SEC22C: variants seen among roughly 807,000 people sequenced by gnomAD.
SEC22C encodes SEC22 homolog C, vesicle trafficking protein, also known as vesicle-trafficking protein SEC22c.
SEC22C carries 29 observed loss-of-function variants against 34.7 expected under a neutral mutation model. That is an observed-to-expected ratio of 0.84 (90% confidence interval 0.62 to 1.14). The LOEUF (loss-of-function observed/expected upper bound fraction) is 1.14, where lower values mean the gene tolerates loss of function less well. SEC22C is among the 50% of genes most tolerant of loss of function. SEC22C has a pLI of 0.00. For missense variants in SEC22C, 337 were observed against 369.0 expected (o/e 0.91, Z 0.71); for synonymous variants, 117 against 132.8 (o/e 0.88, Z 0.82).
At chr3:42,588,214 CA>C in intron 1 of SEC22C, among the ~76,000 whole-genome samples, 1 of 151,906 alleles carries the variant, frequency 6.6e-6, no homozygotes, top group East Asian at 1.9e-4. Flanking sequence ...CCAGCCTGGC[CA>C]ACATAGAGAA....
intron 1 of SEC22C, among the ~76,000 whole-genome samples, chr3:42,588,284 G>C (rs1408666116): frequency 6.7e-6 from 1 of 148,820 alleles, no homozygotes; most frequent in Admixed American, 6.7e-5. Context: ...TATGCCTGTA[G>C]TCCCAGACTA....
chr3:42,556,872 C>T (rs1469650621), intron 5 of SEC22C, among the ~76,000 whole-genome samples: 2 of 151,994 alleles, frequency 1.3e-5, no homozygotes, highest in Non-Finnish European at 2.9e-5. Flanking sequence ...TACAGGCATG[C>T]GCCACCACGC....
At chr3:42,591,687 G>A in intron 1 of SEC22C, 1 of 967,998 alleles carries the variant, frequency 1.0e-6, no homozygotes, top group Non-Finnish European at 1.7e-6. Context: ...AAGAGTCTTG[G>A]GTGATTGATC....
intron 1 of SEC22C, among the ~76,000 whole-genome samples, chr3:42,577,864 G>A (rs551232249): frequency 2.0e-4 from 30 of 152,138 alleles, no homozygotes; most frequent in African/African-American, 7.0e-4. Flanking sequence ...CAGCTACTTG[G>A]GAGGCTGAGG....
At chr3:42,561,536 T>C (rs1037805385) in intron 3 of SEC22C, among the ~76,000 whole-genome samples, 3 of 152,092 alleles carry the variant, frequency 2.0e-5, no homozygotes, top group African/African-American at 7.2e-5. Context: ...CCACCACACC[T>C]GGCTAATTTT....
chr3:42,586,911 C>G (rs1037926598), upstream of SEC22C, among the ~76,000 whole-genome samples: 5 of 152,198 alleles, frequency 3.3e-5, no homozygotes, highest in Non-Finnish European at 5.9e-5. Context: ...AGCATCTCCC[C>G]CACTGTTCCC....
rs568973006 is a variant in SEC22C, at chr3:42,557,510, A to G, written c.645+68T>C. On this transcript the variant is annotated intron_variant, in intron 5 of 6. Transcript: ENST00000264454. ...AACCTCAGTTTTATAGATAAAATGT[A>G]TCCCTATCACTTTCTTCTATCATAT... The G allele has an allele frequency of 2.0e-5, 13 of 661,570 alleles. No individual in the cohort carries two copies. In the South Asian group the frequency reaches 3.1e-4, roughly 16 times the overall value. 41.0% of individuals were successfully genotyped at this position (661,570 alleles called of 1,614,324 possible).
intron 1 of SEC22C, among the ~76,000 whole-genome samples, chr3:42,576,638 A>G (rs1296512325): frequency 1.3e-5 from 2 of 152,154 alleles, no homozygotes; most frequent in East Asian, 3.8e-4. Flanking sequence ...TGCTAAATAA[A>G]TGGGGAGATA....
rs115661443 is a variant in SEC22C at position 42,572,451 on chromosome 3, G to A, written c.-27-3378C>T. On this transcript the variant is annotated intron_variant, in intron 1 of 6. Coordinates refer to ENST00000264454, the MANE Select transcript of SEC22C (RefSeq NM_032970.4). Reference sequence around the variant, plus strand: ...CCCATTCTCCACCTCCCATCCTGCCGGGGTAGCATCAGAGAAGGCCAAGTA... The same window carrying A: ...CCCATTCTCCACCTCCCATCCTGCCAGGGTAGCATCAGAGAAGGCCAAGTA... Among the ~76,000 whole-genome samples, 459 of 152,204 alleles carry A rather than the reference G, an allele frequency of 3.0e-3. 3 individuals carry two copies. The highest frequency in any genetic ancestry group is 0.011 in the African/African-American group (440 of 41,518).
In SEC22C at chr3:42,548,918, C is replaced by A; in HGVS notation, c.*4330G>T. On this transcript the variant is annotated 3_prime_UTR_variant, in exon 7 of 7. Transcript: ENST00000264454. ...CAATGGACTCACCCAGTATTACCCT[C>A]CACTACCACTTTTGACCCTCATAAC... 1 of 1,289,912 alleles carries A rather than the reference C, an allele frequency of 7.8e-7. No individual in the cohort carries two copies. The highest frequency in any genetic ancestry group is 2.3e-5 in the South Asian group (1 of 43,730). The allele number at this position is 1,289,912 out of a possible 1,614,324, so 79.9% of individuals were successfully genotyped here.
At chr3:42,592,314 C>T (rs1179784359) in intron 1 of SEC22C, among the ~76,000 whole-genome samples, 1 of 152,022 alleles carries the variant, frequency 6.6e-6, no homozygotes, top group Non-Finnish European at 1.5e-5. Flanking sequence ...AATTCTCGTG[C>T]CTCAGCCTCT....
At chr3:42,590,643 G>A (rs1012755960) in intron 1 of SEC22C, among the ~76,000 whole-genome samples, 4 of 151,930 alleles carry the variant, frequency 2.6e-5, no homozygotes, top group African/African-American at 9.7e-5. Flanking sequence ...AGGTAGGTCA[G>A]CAGTAGACCC....
chr3:42,598,091 T>C (rs753038087), intron 1 of SEC22C, among the ~76,000 whole-genome samples: 1 of 152,288 alleles, frequency 6.6e-6, no homozygotes, highest in African/African-American at 2.4e-5. Flanking sequence ...TCCAAAATAA[T>C]TGAAAGCAGG....
intron 5 of SEC22C, among the ~76,000 whole-genome samples, chr3:42,557,161 C>T (rs537158256): frequency 1.5e-4 from 23 of 152,310 alleles, no homozygotes; most frequent in African/African-American, 5.3e-4. Flanking sequence ...TCGACAAAGA[C>T]ACAAGGAAGG....
At chr3:42,568,594 C>T (rs2125712459) in intron 2 of SEC22C, among the ~76,000 whole-genome samples, 1 of 147,236 alleles carries the variant, frequency 6.8e-6, no homozygotes, top group Non-Finnish European at 1.5e-5. Flanking sequence ...TGCAGTGAGC[C>T]AAGATGGTGC....
At chr3:42,567,735 C>T (rs1703337993) in intron 2 of SEC22C, among the ~76,000 whole-genome samples, 1 of 152,148 alleles carries the variant, frequency 6.6e-6, no homozygotes, top group South Asian at 2.1e-4. Flanking sequence ...AAGAGACCTA[C>T]TCTCACTTAT....
rs1040329702 is a variant in SEC22C at position 42,591,712 on chromosome 3, C to T, written c.-28+9248G>A. ...GGTGATTGATCGCAGTTAAGCCCCT[C>T]TTTGAACTGAGGAAAGAGAGGCTCA... On this transcript the variant is annotated intron_variant, in intron 1 of 6. Transcript: ENST00000417572. The T allele has an allele frequency of 6.4e-6, 5 of 785,508 alleles. No homozygotes were observed. In the African/African-American group the frequency reaches 8.5e-5, roughly 13 times the overall value. 48.7% of individuals were successfully genotyped at this position (785,508 alleles called of 1,614,324 possible). A position where few individuals can be genotyped will look rare whatever the true frequency, so the allele number is the denominator to read the frequency against.
At chr3:42,590,672 T>C in intron 1 of SEC22C, 1 of 602,972 alleles carries the variant, frequency 1.7e-6, no homozygotes. Context: ...CCCACAAGTT[T>C]CGCTCTCCAG....
chr3:42,587,940 G>A (rs1704677150), intron 1 of SEC22C, among the ~76,000 whole-genome samples: 1 of 151,842 alleles, frequency 6.6e-6, no homozygotes, highest in African/African-American at 2.4e-5. Context: ...GGGCGTGGTG[G>A]TGCATGCCTG....
Sources: allele counts gnomAD v4.1 joint callset (sites outside exome capture counted in the v4.1 genomes callset), GRCh38; gene constraint gnomAD v4.1.1; transcripts MANE v1.5; gene names NCBI Gene and HGNC (gene_info 2026-07-23, HGNC 2026-07-21).